The following UBTD1 variants were observed in gnomAD, a reference collection of about 807,000 sequenced individuals.
UBTD1 encodes the protein ubiquitin domain containing 1.
UBTD1 carries 19 observed loss-of-function variants against 21.7 expected under a neutral mutation model. That is an observed-to-expected ratio of 0.87 (90% CI 0.61 to 1.28). UBTD1 has a LOEUF of 1.28. Among genes scored for constraint, UBTD1 ranks in the 50% most tolerant of loss-of-function variants. The pLI is 0.00. For synonymous variants in UBTD1, 116 were observed against 135.1 expected, an observed-to-expected ratio of 0.86 and a Z score of 0.98; for missense variants, 282 against 315.1, an observed-to-expected ratio of 0.89 and a Z score of 0.80.
chr10:97,565,239 A>C (rs1255040316), intron 1 of UBTD1, among the ~76,000 whole-genome samples: 1 of 152,160 alleles, frequency 6.6e-6, no homozygotes, highest in Non-Finnish European at 1.5e-5. Flanking sequence ...TACTGTGCCA[A>C]CTGTAGCTTT....
intron 1 of UBTD1, among the ~76,000 whole-genome samples, chr10:97,524,449 C>T (rs2040479460): frequency 6.6e-6 from 1 of 152,178 alleles, no homozygotes; most frequent in African/African-American, 2.4e-5. Context: ...TTCTAGCCCC[C>T]TCTTCCTGAT....
chr10:97,537,160 T>A (rs567261073), intron 1 of UBTD1, among the ~76,000 whole-genome samples: 9 of 152,186 alleles, frequency 5.9e-5, no homozygotes, highest in African/African-American at 1.7e-4. Flanking sequence ...GCCCCTTGAG[T>A]GCCCGGCAGG....
chr10:97,541,488 C>T (rs2040586957), intron 1 of UBTD1, among the ~76,000 whole-genome samples: 1 of 151,992 alleles, frequency 6.6e-6, no homozygotes, highest in African/African-American at 2.4e-5. Context: ...AAAAAAAAGA[C>T]AAAAAACTCC....
intron 1 of UBTD1, among the ~76,000 whole-genome samples, chr10:97,532,523 G>A (rs2040536997): frequency 2.0e-5 from 3 of 152,194 alleles, no homozygotes; most frequent in Admixed American, 2.0e-4. Flanking sequence ...CTAGTGCGGT[G>A]GCTCACGCCT....
chr10:97,559,875 C>A (rs1459272008), intron 1 of UBTD1, among the ~76,000 whole-genome samples: 1 of 152,044 alleles, frequency 6.6e-6, no homozygotes, highest in African/African-American at 2.4e-5. Flanking sequence ...ACTTTTAAAA[C>A]ATTAATTTTT....
At chr10:97,558,589 G>A (rs1305326812) in intron 1 of UBTD1, among the ~76,000 whole-genome samples, 1 of 151,922 alleles carries the variant, frequency 6.6e-6, no homozygotes, top group Non-Finnish European at 1.5e-5. Flanking sequence ...GACACATAGA[G>A]TGTAAAGAGT....
rs74710307 is a variant in UBTD1, at chr10:97,501,706, T to C, written c.70+2433T>C. 8.7e-4 allele frequency among the ~76,000 whole-genome samples: 132 copies of C among 152,334 alleles called. 1 individual carries two copies. The East Asian group carries it at 0.023, about 27-fold the overall frequency. On this transcript the variant is annotated intron_variant, in intron 1 of 2. Coordinates refer to ENST00000370664, the MANE Select transcript of UBTD1 (RefSeq NM_024954.5). ...TCAAGTGTGGGCCAGTCCTTTCTTTTAAGTCCTGATTTCTTTCCCTTCTCT... is the reference window on the plus strand; with the variant it reads ...TCAAGTGTGGGCCAGTCCTTTCTTTCAAGTCCTGATTTCTTTCCCTTCTCT...
At position 97,570,257 on chromosome 10, in the gene UBTD1, G is replaced by C. The variant is rs746394554; in HGVS notation, c.418G>C (p.Glu140Gln). The C allele has an allele frequency of 6.2e-7, 1 of 1,612,946 alleles. No homozygotes were observed. Among genetic ancestry groups the C allele is most frequent in the South Asian group, 1.1e-5 (1 of 91,058 alleles). Residue 140 changes from glutamate to glutamine, a missense_variant, in exon 3 of 3, where the codon GAG becomes CAG. Glu to Gln is a conservative substitution (Grantham distance 29, BLOSUM62 2). Transcript: ENST00000370664. The surrounding 1 kb of genome is among the most constrained non-coding windows in gnomAD (Gnocchi z 6.6). ...HTEEESLEPP[E>Q]PPPSVRREFP... is the part of the protein sequence containing the mutation. ...GGAGGAGGAGAGCCTGGAGCCCCCC[G>C]AGCCTCCACCCAGCGTGCGCCGTGA... is the stretch of plus-strand genomic sequence containing the variant.
chr10:97,524,449 C>CTCT (rs1285550303), intron 1 of UBTD1, among the ~76,000 whole-genome samples: 1 of 152,178 alleles, frequency 6.6e-6, no homozygotes, highest in Non-Finnish European at 1.5e-5. Flanking sequence ...TTCTAGCCCC[C>CTCT]TCTTCCTGAT....
At chr10:97,532,778 G>A (rs1304358127) in intron 1 of UBTD1, among the ~76,000 whole-genome samples, 4 of 148,162 alleles carry the variant, frequency 2.7e-5, no homozygotes, top group Non-Finnish European at 6.0e-5. Context: ...CAACAAGAGC[G>A]CAACTGCATC....
chr10:97,559,903 A>G (rs1292857849), intron 1 of UBTD1, among the ~76,000 whole-genome samples: 1 of 152,154 alleles, frequency 6.6e-6, no homozygotes, highest in Admixed American at 6.5e-5. Context: ...TTTAATGTAG[A>G]TAAAAATCCA....
intron 1 of UBTD1, among the ~76,000 whole-genome samples, chr10:97,526,169 AGG>A (rs2040487447): frequency 6.6e-6 from 1 of 152,202 alleles, no homozygotes; most frequent in Non-Finnish European, 1.5e-5. Context: ...GATCTCTGGC[AGG>A]GCTTCATCCC....
intron 1 of UBTD1, among the ~76,000 whole-genome samples, chr10:97,552,182 T>C (rs186768985): frequency 4.0e-5 from 6 of 151,070 alleles, no homozygotes; most frequent in African/African-American, 1.5e-4. Flanking sequence ...CTGGGCAACA[T>C]GGCGAGACCC....
chr10:97,525,482 G>A (rs1334235655), intron 1 of UBTD1, among the ~76,000 whole-genome samples: 1 of 152,146 alleles, frequency 6.6e-6, no homozygotes, highest in Non-Finnish European at 1.5e-5. Flanking sequence ...GGGTATCTTC[G>A]GGAGAGAAAA....
At chr10:97,505,389 G>A (rs2040394046) in intron 1 of UBTD1, among the ~76,000 whole-genome samples, 1 of 152,224 alleles carries the variant, frequency 6.6e-6, no homozygotes, top group South Asian at 2.1e-4. Flanking sequence ...TTGAGGTCAA[G>A]TGTATTCAAA....
At chr10:97,537,822 T>C (rs903780002) in intron 1 of UBTD1, among the ~76,000 whole-genome samples, 4 of 127,706 alleles carry the variant, frequency 3.1e-5, no homozygotes, top group Non-Finnish European at 6.2e-5. Context: ...GGCTTTCTCT[T>C]TTTTTTTTTT....
intron 1 of UBTD1, among the ~76,000 whole-genome samples, chr10:97,500,631 C>T (rs1373504176): frequency 1.3e-5 from 2 of 152,194 alleles, no homozygotes; most frequent in African/African-American, 4.8e-5. Flanking sequence ...CTCTCTCCTA[C>T]GAGACATTCC....
At chr10:97,563,764 G>A (rs1180699188) in intron 1 of UBTD1, among the ~76,000 whole-genome samples, 1 of 152,154 alleles carries the variant, frequency 6.6e-6, no homozygotes, top group Non-Finnish European at 1.5e-5. Flanking sequence ...GAAGATAGGA[G>A]GGATGACAAG....
Position 97,568,066 on chromosome 10 carries a change from GC to G in UBTD1, c.225del (p.Tyr76MetfsTer49). 1 of 1,613,920 alleles carries G rather than the reference GC, an allele frequency of 6.2e-7. No homozygotes were observed. Among genetic ancestry groups the G allele is most frequent in the Non-Finnish European group, 8.5e-7 (1 of 1,180,040 alleles). ...KEIWDALKAAAYAAEANDHEL... is the reference protein window; with the variant it reads ...KEIWDALKAAXYAAEANDHEL... ...GATCTGGGATGCCCTCAAGGCTGCCGCCTATGCTGCTGAAGCCAACGACCAC... is the reference window on the plus strand; with the variant it reads ...GATCTGGGATGCCCTCAAGGCTGCCGCTATGCTGCTGAAGCCAACGACCAC... On this transcript the variant is annotated frameshift_variant, in exon 2 of 3. Coordinates refer to ENST00000370664, the MANE Select transcript of UBTD1 (RefSeq NM_024954.5). LOFTEE classifies it high-confidence loss of function.
Sources: gnomAD v4.1 joint callset for allele counts (sites outside exome capture counted in the v4.1 genomes callset) on GRCh38, gnomAD v4.1.1 for gene constraint, Gnocchi (gnomAD v3.1) non-coding constraint, MANE v1.5 for transcripts, NCBI Gene and HGNC (gene_info 2026-07-23, HGNC 2026-07-21) for gene names.